Variants in TOP1 observed in about 807,000 individuals in gnomAD.
TOP1 encodes DNA topoisomerase 1.
In TOP1, 10 loss-of-function variants were observed where a neutral mutation model predicts 111.1. The observed-to-expected ratio is 0.09, with a 90% confidence interval of 0.06 to 0.15. The LOEUF (loss-of-function observed/expected upper bound fraction) is 0.15, where lower values mean the gene tolerates loss of function less well. Ranked by LOEUF, TOP1 falls within the 10% of genes least tolerant of loss-of-function variation. TOP1 has a pLI of 1.00. For synonymous variants in TOP1, 271 were observed against 302.9 expected, an observed-to-expected ratio of 0.89 and a Z score of 1.10; for missense variants, 474 against 926.7, an observed-to-expected ratio of 0.51 and a Z score of 6.34.
chr20:41,113,715 C>CAAAAAA (rs987087793), intron 14 of TOP1, among the ~76,000 whole-genome samples: 1 of 103,648 alleles, frequency 9.6e-6, no homozygotes. Context: ...ACTAAAAATA[C>CAAAAAA]AAAAAAAAAA....
At chr20:41,107,146 C>T (rs2034159056) in intron 13 of TOP1, among the ~76,000 whole-genome samples, 1 of 152,136 alleles carries the variant, frequency 6.6e-6, no homozygotes, top group African/African-American at 2.4e-5. Flanking sequence ...TCTGTCTTTT[C>T]TCCAGTCAAG....
At chr20:41,045,791 G>A (rs2033326477) in intron 2 of TOP1, among the ~76,000 whole-genome samples, 1 of 152,170 alleles carries the variant, frequency 6.6e-6, no homozygotes, top group African/African-American at 2.4e-5. Flanking sequence ...CTACCAAATA[G>A]CACCCAAGAG....
At chr20:41,053,939 T>C (rs1420804364) in intron 2 of TOP1, among the ~76,000 whole-genome samples, 2 of 152,176 alleles carry the variant, frequency 1.3e-5, no homozygotes, top group Non-Finnish European at 2.9e-5. Flanking sequence ...TTGTTTGATT[T>C]TGCCAAATTC....
At position 41,121,777 on chromosome 20, in the gene TOP1, G is replaced by A. The variant is rs2145973634; in HGVS notation, c.2032G>A (p.Ala678Thr). Residue 678 changes from alanine (A) to threonine (T), a missense_variant, in exon 19 of 21, where the codon GCA becomes ACA. Physicochemically the swap from Ala to Thr is moderately conservative, Grantham distance 58 (BLOSUM62 0). Around this residue, in one of 14 missense-constraint regions of TOP1, gnomAD observed 36 missense variants for 42.3 expected, o/e 0.85. Coordinates refer to ENST00000361337, the MANE Select transcript of TOP1 (RefSeq NM_003286.4). The surrounding 1 kb of genome is among the most constrained non-coding windows in gnomAD (Gnocchi z 4.2). ...AKADAKVMKDAKTKKVVESKK... is the reference protein window; with the variant it reads ...AKADAKVMKDTKTKKVVESKK... ...GGCTGATGCCAAGGTCATGAAGGAT[G>A]CAAAGACGAAGAAGTATGTACCTGG... 1 of 1,614,140 alleles carries A rather than the reference G, an allele frequency of 6.2e-7. No homozygotes were observed. The highest frequency in any genetic ancestry group is 1.1e-5 in the South Asian group (1 of 91,088).
Position 41,042,347 on chromosome 20 carries a change from T to C in TOP1, c.58+12892T>C, listed in dbSNP as rs149548206. 7.0e-3 allele frequency among the ~76,000 whole-genome samples: 1,071 copies of C among 152,380 alleles called. 8 individuals are homozygous for C. The highest frequency in any genetic ancestry group is 9.2e-3 in the Non-Finnish European group (626 of 68,034). On this transcript the variant is annotated intron_variant, in intron 2 of 20. Coordinates refer to ENST00000361337, the MANE Select transcript of TOP1 (RefSeq NM_003286.4). Reference sequence around the variant, plus strand: ...AATAGCAGATATAGTTAACTGCCTTTGCAGCTGTTTTACTGTGTGTCAGAA... The same window carrying C: ...AATAGCAGATATAGTTAACTGCCTTCGCAGCTGTTTTACTGTGTGTCAGAA...
At chr20:41,031,111 G>C (rs1161369214) in intron 2 of TOP1, among the ~76,000 whole-genome samples, 1 of 152,172 alleles carries the variant, frequency 6.6e-6, no homozygotes, top group African/African-American at 2.4e-5. Flanking sequence ...GGGGGTTGTG[G>C]AAGACTGGGC....
rs190894055 is a variant in TOP1 at position 41,102,744 on chromosome 20, C to T, written c.1308+1391C>T. On this transcript the variant is annotated intron_variant, in intron 13 of 20. Transcript: ENST00000361337. This position sits in a 1 kb window ranked among gnomAD's most constrained non-coding sequence, Gnocchi z 4.0. ...AACATGTATTCCTCTTCTGAAGTAT[C>T]GCAAAGCTGTATATATGGCTACAAA... Among the ~76,000 whole-genome samples the T allele has an allele frequency of 1.4e-4, 22 of 152,228 alleles. No homozygotes were observed. The highest frequency in any genetic ancestry group is 5.1e-4 in the African/African-American group (21 of 41,530).
chr20:41,109,943 G>T lies in TOP1; in HGVS notation c.1309-2839G>T, dbSNP rs1301097232. ...ATAGAATATACTATATTTATCAGCAGTTAAGAAGGGAACTACTTATGTATT... is the reference window on the plus strand; with the variant it reads ...ATAGAATATACTATATTTATCAGCATTTAAGAAGGGAACTACTTATGTATT... On this transcript the variant is annotated intron_variant, in intron 13 of 20. Coordinates refer to ENST00000361337, the MANE Select transcript of TOP1 (RefSeq NM_003286.4). The surrounding 1 kb of genome is among the most constrained non-coding windows in gnomAD (Gnocchi z 4.1). 6.6e-6 allele frequency among the ~76,000 whole-genome samples: 1 copy of T among 152,182 alleles called. No homozygotes were observed. The highest frequency in any genetic ancestry group is 1.9e-4 in the East Asian group (1 of 5,204).
rs752331940 is a variant in TOP1 at position 41,112,907 on chromosome 20, C to A, written c.1434C>A (p.Ala478=). ...KEMKVRQRAV[A]LYFIDKLALR... Reference sequence around the variant, plus strand: ...TGAAAGTCCGGCAGAGAGCTGTAGCCCTGTACTTCATCGACAAGGTGAGAG... The same window carrying A: ...TGAAAGTCCGGCAGAGAGCTGTAGCACTGTACTTCATCGACAAGGTGAGAG... Residue 478 remains alanine, a synonymous_variant, in exon 14 of 21, where the codon GCC becomes GCA. Transcript: ENST00000361337. This position sits in a 1 kb window ranked among gnomAD's most constrained non-coding sequence, Gnocchi z 5.8. The A allele has an allele frequency of 6.8e-6, 11 of 1,614,086 alleles. No individual in the cohort carries two copies. In the South Asian group the frequency reaches 1.2e-4, roughly 18 times the overall value.
chr20:41,055,917 C>T (rs1029568019), intron 2 of TOP1, among the ~76,000 whole-genome samples: 1 of 152,098 alleles, frequency 6.6e-6, no homozygotes, highest in African/African-American at 2.4e-5. Flanking sequence ...CATAATAACA[C>T]AAAAATGAAG....
rs1451282097 is a variant in TOP1, at chr20:41,123,299, C to T, written c.*2C>T. On this transcript the variant is annotated 3_prime_UTR_variant, in exon 21 of 21. Coordinates refer to ENST00000361337, the MANE Select transcript of TOP1 (RefSeq NM_003286.4). The surrounding 1 kb of genome is among the most constrained non-coding windows in gnomAD (Gnocchi z 5.8). ...GCTGATGAAGACTATGAGTTTTAGCCAGTCTCAAGAGGCAGAGTTCTGTGA... is the reference window on the plus strand; with the variant it reads ...GCTGATGAAGACTATGAGTTTTAGCTAGTCTCAAGAGGCAGAGTTCTGTGA... 1.9e-6 allele frequency: 3 copies of T among 1,606,596 alleles called. No individual in the cohort carries two copies. Among genetic ancestry groups the T allele is most frequent in the Admixed American group, 3.3e-5 (2 of 59,970 alleles).
At position 41,080,247 on chromosome 20, in the gene TOP1, G is replaced by T; in HGVS notation, c.431+67G>T. ...GAGGAGTTTAAAGAATAAATGTGAT[G>T]TGTTTCTTTATAATACATATAGAAA... On this transcript the variant is annotated intron_variant, in intron 6 of 20. Transcript: ENST00000361337. The surrounding 1 kb of genome is among the most constrained non-coding windows in gnomAD (Gnocchi z 5.0). 2 of 967,048 alleles carry T rather than the reference G, an allele frequency of 2.1e-6. No individual in the cohort carries two copies. The highest frequency in any genetic ancestry group is 3.1e-6 in the Non-Finnish European group (2 of 635,730). The allele number at this position is 967,048 out of a possible 1,614,324, so 59.9% of individuals were successfully genotyped here.
chr20:41,106,756 A>G lies in TOP1; in HGVS notation c.1308+5403A>G, dbSNP rs2034152703. ...GGTCTTGTATCTGGCAGCAGATACAAGAGGTGCTCAGAGTTGTTCAGGGTT... is the reference window on the plus strand; with the variant it reads ...GGTCTTGTATCTGGCAGCAGATACAGGAGGTGCTCAGAGTTGTTCAGGGTT... On this transcript the variant is annotated intron_variant, in intron 13 of 20. Coordinates refer to ENST00000361337, the MANE Select transcript of TOP1 (RefSeq NM_003286.4). The surrounding 1 kb of genome is among the most constrained non-coding windows in gnomAD (Gnocchi z 4.3). Among the ~76,000 whole-genome samples, 3 of 152,178 alleles carry G rather than the reference A, an allele frequency of 2.0e-5. No individual in the cohort carries two copies. The highest frequency in any genetic ancestry group is 2.0e-4 in the Admixed American group (3 of 15,276).
intron 2 of TOP1, among the ~76,000 whole-genome samples, chr20:41,047,131 T>C (rs2033344486): frequency 6.6e-6 from 1 of 152,234 alleles, no homozygotes; most frequent in Non-Finnish European, 1.5e-5. Flanking sequence ...GCGGATACTT[T>C]CTAGTTAGTA....
Position 41,069,422 on chromosome 20 carries a change from T to C in TOP1, c.156-6749T>C, listed in dbSNP as rs2033644965. On this transcript the variant is annotated intron_variant, in intron 3 of 20. Transcript: ENST00000361337. This position sits in a 1 kb window ranked among gnomAD's most constrained non-coding sequence, Gnocchi z 4.1. ...ACCACCATTCACATGGGAGTCAGTATGATATATTGAATAGCACACTAAGAT... is the reference window on the plus strand; with the variant it reads ...ACCACCATTCACATGGGAGTCAGTACGATATATTGAATAGCACACTAAGAT... Among the ~76,000 whole-genome samples the C allele has an allele frequency of 6.6e-6, 1 of 152,164 alleles. No individual in the cohort carries two copies. Among genetic ancestry groups the C allele is most frequent in the African/African-American group, 2.4e-5 (1 of 41,434 alleles).
In TOP1 at chr20:41,114,753, T is replaced by C. The variant is rs897976082; in HGVS notation, c.1638+598T>C. ...GAGCCCATCACTGAAGAGGGTACTA[T>C]AGCTCTGTAGTCCCAACCTAATCTT... On this transcript the variant is annotated intron_variant, in intron 15 of 20. Transcript: ENST00000361337. The surrounding 1 kb of genome is among the most constrained non-coding windows in gnomAD (Gnocchi z 4.5). Among the ~76,000 whole-genome samples the C allele has an allele frequency of 2.0e-5, 3 of 152,232 alleles. No homozygotes were observed. The highest frequency in any genetic ancestry group is 2.4e-5 in the African/African-American group (1 of 41,456).
At chr20:41,047,872 C>T (rs1413527807) in intron 2 of TOP1, among the ~76,000 whole-genome samples, 1 of 152,178 alleles carries the variant, frequency 6.6e-6, no homozygotes, top group African/African-American at 2.4e-5. Context: ...TTACCTGTCT[C>T]TGTCTAAGCA....
At chr20:41,062,006 C>T (rs1331087635) in intron 3 of TOP1, among the ~76,000 whole-genome samples, 1 of 152,148 alleles carries the variant, frequency 6.6e-6, no homozygotes, top group Non-Finnish European at 1.5e-5. Flanking sequence ...GAGTTCGGCT[C>T]CCACAAAAGC....
intron 2 of TOP1, among the ~76,000 whole-genome samples, chr20:41,031,372 G>T (rs2033117651): frequency 6.6e-6 from 1 of 152,198 alleles, no homozygotes; most frequent in Non-Finnish European, 1.5e-5. Flanking sequence ...AGTAGGTAAT[G>T]TAAGTAATGA....
Sources: allele counts gnomAD v4.1 joint callset (sites outside exome capture counted in the v4.1 genomes callset), GRCh38; gene constraint gnomAD v4.1.1; regional missense constraint gnomAD v4.1.1; non-coding constraint Gnocchi (gnomAD v3.1); transcripts MANE v1.5; gene names NCBI Gene and HGNC (gene_info 2026-07-23, HGNC 2026-07-21).